The following ZNF721 variants were observed in gnomAD, a reference collection of about 807,000 sequenced individuals.
ZNF721 encodes the protein zinc finger protein 721.
Under a neutral mutation model 2.4 loss-of-function variants are expected in ZNF721, and 2 were observed. The observed-to-expected ratio is 0.82, with a 90% CI of 0.34 to 2.58. The LOEUF (loss-of-function observed/expected upper bound fraction) is 2.58, where lower values mean the gene tolerates loss of function less well. Among genes scored for constraint, ZNF721 ranks in the 30% most tolerant of loss-of-function variants. ZNF721 has a pLI of 0.11. For synonymous variants in ZNF721, 398 were observed against 381.8 expected, an observed-to-expected ratio of 1.04 and a Z score of -0.50; for missense variants, 1,187 against 1,085.5, an observed-to-expected ratio of 1.09 and a Z score of -1.31.
intron 1 of ZNF721, among the ~76,000 whole-genome samples, chr4:483,382 T>C (rs1715817623): frequency 6.6e-6 from 1 of 151,968 alleles, no homozygotes. Flanking sequence ...ACCCCGTCTC[T>C]ACTAAAAATA....
At chr4:491,508 C>G (rs1553871465) in intron 1 of ZNF721, among the ~76,000 whole-genome samples, 1 of 152,190 alleles carries the variant, frequency 6.6e-6, no homozygotes, top group East Asian at 1.9e-4. Flanking sequence ...CAGCTCGGCT[C>G]TGCTAAGACC....
intron 2 of ZNF721, among the ~76,000 whole-genome samples, chr4:460,089 C>G (rs897319772): frequency 2.0e-5 from 3 of 152,124 alleles, no homozygotes; most frequent in Non-Finnish European, 4.4e-5. Flanking sequence ...CTGGACCAAG[C>G]AGACGTAATA....
chr4:468,507 T>A (rs1185643361), intron 2 of ZNF721, among the ~76,000 whole-genome samples: 1 of 152,006 alleles, frequency 6.6e-6, no homozygotes, highest in Non-Finnish European at 1.5e-5. Context: ...ATTTGGGCCA[T>A]CATATGCAGA....
chr4:491,562 C>T (rs1412773850), intron 1 of ZNF721, among the ~76,000 whole-genome samples: 2 of 152,156 alleles, frequency 1.3e-5, no homozygotes, highest in African/African-American at 4.8e-5. Context: ...TAAATACAGG[C>T]AACAGGTAGA....
intron 1 of ZNF721, among the ~76,000 whole-genome samples, chr4:476,410 G>A (rs1398302724): frequency 1.3e-5 from 2 of 152,280 alleles, no homozygotes; most frequent in African/African-American, 4.8e-5. Flanking sequence ...TTTTTCAACT[G>A]CAGAACTTTA....
intron 2 of ZNF721, among the ~76,000 whole-genome samples, chr4:448,456 A>C (rs535069503): frequency 1.3e-5 from 2 of 151,966 alleles, no homozygotes; most frequent in South Asian, 4.2e-4. Context: ...AAAAAAAAAA[A>C]ATTACATACT....
intron 2 of ZNF721, among the ~76,000 whole-genome samples, chr4:454,284 ATAGCC>A (rs1259916985): frequency 4.6e-5 from 7 of 152,310 alleles, no homozygotes; most frequent in Middle Eastern, 3.4e-3. Context: ...CCTGGTGGTG[ATAGCC>A]TACTACAGTA....
intron 1 of ZNF721, among the ~76,000 whole-genome samples, chr4:473,812 T>A (rs1288539422): frequency 6.6e-6 from 1 of 152,158 alleles, no homozygotes; most frequent in Non-Finnish European, 1.5e-5. Context: ...AGAGCAGCCT[T>A]GCGGGGACCC....
At position 442,297 on chromosome 4, in the gene ZNF721, G is replaced by A; in HGVS notation, c.2170C>T (p.Pro724Ser). 6.2e-7 allele frequency: 1 copy of A among 1,613,282 alleles called. No homozygotes were observed. Among genetic ancestry groups the A allele is most frequent in the Non-Finnish European group, 8.5e-7 (1 of 1,179,470 alleles). ...THRRVHTREK[P>S]YKCEDRGRSF... is the part of the protein sequence containing the mutation. ...CTGCCACGATCTTCACATTTGTAGGGTTTCTCCCTAGTGTGAACTCTCCTA... is the reference window on the plus strand; with the variant it reads ...CTGCCACGATCTTCACATTTGTAGGATTTCTCCCTAGTGTGAACTCTCCTA... The change falls in exon 3 of 3, where the codon CCC (proline) becomes TCC (serine). Residue 724 changes from proline (P) to serine (S), a missense_variant. By Grantham distance (74) the Pro-to-Ser change is moderately conservative (BLOSUM62 -1). Coordinates refer to ENST00000511833, the MANE Select transcript of ZNF721 (RefSeq NM_133474.4).
rs367900463 is a variant in ZNF721 at position 443,731 on chromosome 4, C to T, written c.736G>A (p.Glu246Lys). Residue 246 changes from glutamate to lysine, a missense_variant, in exon 3 of 3, where the codon GAG (glutamate) becomes AAG (lysine). Glu to Lys is a moderately conservative substitution (Grantham distance 56). Coordinates refer to ENST00000511833, the MANE Select transcript of ZNF721 (RefSeq NM_133474.4). ...LNKHEKIHTGEKPYKCKECGK... is the reference protein window; with the variant it reads ...LNKHEKIHTGKKPYKCKECGK... ...CATTCCTTACATTTGTAGGGTTTCT[C>T]TCCAGTATGAATTTTCTCATGTTTA... is the stretch of plus-strand genomic sequence containing the variant. The T allele has an allele frequency of 1.4e-5, 22 of 1,613,906 alleles. No homozygotes were observed. Among genetic ancestry groups the T allele is most frequent in the African/African-American group, 2.7e-5 (2 of 74,912 alleles).
chr4:480,665 T>C (rs1350444285), intron 1 of ZNF721, among the ~76,000 whole-genome samples: 1 of 152,226 alleles, frequency 6.6e-6, no homozygotes, highest in Non-Finnish European at 1.5e-5. Flanking sequence ...TCACTTTGTT[T>C]CTGGCATGTT....
chr4:470,132 T>A (rs972485010), intron 2 of ZNF721, among the ~76,000 whole-genome samples: 25 of 152,196 alleles, frequency 1.6e-4, no homozygotes, highest in African/African-American at 5.5e-4. Flanking sequence ...TCCACCTGCC[T>A]CTGCCTCCCA....
chr4:472,208 C>T (rs1553867766), intron 2 of ZNF721, among the ~76,000 whole-genome samples: 1 of 152,196 alleles, frequency 6.6e-6, no homozygotes, highest in Non-Finnish European at 1.5e-5. Context: ...TTACAGGCAC[C>T]TGCCACCATG....
chr4:461,831 C>T (rs1468965709), intron 2 of ZNF721, among the ~76,000 whole-genome samples: 1 of 152,046 alleles, frequency 6.6e-6, no homozygotes, highest in Admixed American at 6.5e-5. Flanking sequence ...CAAGATCACG[C>T]CACTGCACTC....
intron 1 of ZNF721, among the ~76,000 whole-genome samples, chr4:496,294 C>A (rs1716150944): frequency 6.6e-6 from 1 of 152,094 alleles, no homozygotes; most frequent in Non-Finnish European, 1.5e-5. Context: ...AGGGCTGTTA[C>A]CCCCCGAACT....
At chr4:497,125 A>G (rs1340544492) in intron 1 of ZNF721, among the ~76,000 whole-genome samples, 1 of 151,872 alleles carries the variant, frequency 6.6e-6, no homozygotes, top group African/African-American at 2.4e-5. Flanking sequence ...CAATTTTCTT[A>G]CCTAGTGATG....
intron 1 of ZNF721, among the ~76,000 whole-genome samples, chr4:475,969 C>T (rs1715614872): frequency 6.6e-6 from 1 of 152,156 alleles, no homozygotes; most frequent in African/African-American, 2.4e-5. Context: ...GAGCACAATG[C>T]AACACAAACA....
chr4:454,518 G>C (rs1316949098), intron 2 of ZNF721, among the ~76,000 whole-genome samples: 1 of 152,150 alleles, frequency 6.6e-6, no homozygotes, highest in African/African-American at 2.4e-5. Context: ...AATGTTATGT[G>C]TATATCCCTG....
chr4:466,343 A>T (rs980404994), intron 2 of ZNF721, among the ~76,000 whole-genome samples: 1 of 152,192 alleles, frequency 6.6e-6, no homozygotes, highest in Non-Finnish European at 1.5e-5. Flanking sequence ...GTTTGCAATA[A>T]TACCTTTTTG....
Sources: gnomAD v4.1 joint callset for allele counts (sites outside exome capture counted in the v4.1 genomes callset) on GRCh38, gnomAD v4.1.1 for gene constraint, MANE v1.5 for transcripts, NCBI Gene and HGNC (gene_info 2026-07-23, HGNC 2026-07-21) for gene names.